The following TESMIN variants were observed in gnomAD, a reference collection of about 807,000 sequenced individuals.
TESMIN encodes the protein testis expressed metallothionein like protein.
TESMIN carries 34 observed loss-of-function variants against 47.4 expected under a neutral mutation model. That is an observed-to-expected ratio of 0.72 (90% CI 0.55 to 0.96). TESMIN has a LOEUF of 0.96. Among genes scored for constraint, TESMIN ranks in the 40% least tolerant of loss-of-function variants. The pLI is 0.00. For missense variants in TESMIN, 610 were observed against 637.2 expected, an observed-to-expected ratio of 0.96 and a Z score of 0.46; for synonymous variants, 278 against 258.9, an observed-to-expected ratio of 1.07 and a Z score of -0.71.
chr11:68,728,133 G>A (rs536843202), intron 6 of TESMIN, among the ~76,000 whole-genome samples: 13 of 150,742 alleles, frequency 8.6e-5, no homozygotes, highest in African/African-American at 3.2e-4. Context: ...AGAGTCCCAC[G>A]TCTCTCACTT....
At chr11:68,725,785 T>G (rs1346961457) in intron 6 of TESMIN, among the ~76,000 whole-genome samples, 2 of 152,162 alleles carry the variant, frequency 1.3e-5, no homozygotes, top group African/African-American at 4.8e-5. Context: ...ATGACATATA[T>G]TCTAAACTCA....
intron 2 of TESMIN, among the ~76,000 whole-genome samples, 192 bp downstream of exon 2, chr11:68,749,998 G>A (rs552237185): frequency 2.0e-5 from 3 of 152,194 alleles, no homozygotes; most frequent in Non-Finnish European, 1.5e-5. Context: ...GCTTGGCTGG[G>A]CCGATGCATG....
chr11:68,717,947 AAAAG>A (rs1484766229), intron 6 of TESMIN, among the ~76,000 whole-genome samples: 1 of 152,210 alleles, frequency 6.6e-6, no homozygotes, highest in Non-Finnish European at 1.5e-5. Context: ...AGGAGACTAG[AAAAG>A]CCTCCTCTGA....
At chr11:68,711,913 G>A (rs971453252) in intron 8 of TESMIN, among the ~76,000 whole-genome samples, 1 of 152,236 alleles carries the variant, frequency 6.6e-6, no homozygotes, top group Non-Finnish European at 1.5e-5. Context: ...GCTCATGTGG[G>A]CCCCAGGGGC....
chr11:68,742,863 GTTTTCT>G (rs1435342421), intron 4 of TESMIN, among the ~76,000 whole-genome samples: 4 of 151,504 alleles, frequency 2.6e-5, no homozygotes, highest in African/African-American at 9.7e-5. Flanking sequence ...GATATTTTAT[GTTTTCT>G]TTTTTTTTTT....
intron 2 of TESMIN, among the ~76,000 whole-genome samples, chr11:68,749,109 C>T (rs538479487): frequency 6.6e-6 from 1 of 152,370 alleles, no homozygotes; most frequent in South Asian, 2.1e-4. Context: ...ACCAATCCGG[C>T]TGGGCAGCAA....
intron 6 of TESMIN, among the ~76,000 whole-genome samples, chr11:68,727,867 G>GT (rs1946283355): frequency 6.6e-6 from 1 of 152,130 alleles, no homozygotes; most frequent in Non-Finnish European, 1.5e-5. Flanking sequence ...AAGTGTAATT[G>GT]TTTTGGAGTA....
rs779941846 is a variant in TESMIN, at chr11:68,713,262, G to C, written c.1158+8C>G. 1 of 1,612,468 alleles carries C rather than the reference G, an allele frequency of 6.2e-7. No individual in the cohort carries two copies. The highest frequency in any genetic ancestry group is 8.5e-7 in the Non-Finnish European group (1 of 1,179,112). ...TTTTGTTAGTGAGTTAGGGAGCTGG[G>C]CACTAACCTCATAGCACTCGCAGTA... On this transcript the variant is annotated splice_region_variant and intron_variant, in intron 8 of 9. Transcript: ENST00000255087.
At chr11:68,742,784 C>T (rs992963395) in intron 4 of TESMIN, among the ~76,000 whole-genome samples, 7 of 152,154 alleles carry the variant, frequency 4.6e-5, no homozygotes, top group African/African-American at 1.2e-4. Flanking sequence ...TTCAAACTCC[C>T]GGGCTCAAGC....
intron 3 of TESMIN, 53 bp downstream of exon 3, chr11:68,747,155 G>T: frequency 6.6e-7 from 1 of 1,523,446 alleles, no homozygotes; most frequent in Non-Finnish European, 9.1e-7. Flanking sequence ...GTAATGATGG[G>T]GTCCAGCATT....
chr11:68,736,691 C>A (rs1461180015), intron 6 of TESMIN: 4 of 980,750 alleles, frequency 4.1e-6, no homozygotes, highest in African/African-American at 1.8e-5. Flanking sequence ...TATTTTGTAA[C>A]ATTCAAAATA....
Position 68,750,453 on chromosome 11 carries a change from C to A in TESMIN, c.208G>T (p.Ala70Ser). Residue 70 changes from alanine to serine, a missense_variant, in exon 2 of 10, where the codon GCG becomes TCG. Ala to Ser is a moderately conservative substitution (Grantham distance 99, BLOSUM62 1). Transcript: ENST00000255087. ...KEPVLHAFNP[A>S]LGADCKGQVK... ...TGGCCCTTGCAGTCGGCGCCCAGCG[C>A]GGGGTTGAACGCGTGCAGGACGGGT... The A allele has an allele frequency of 6.3e-7, 1 of 1,585,824 alleles. No homozygotes were observed. The highest frequency in any genetic ancestry group is 8.6e-7 in the Non-Finnish European group (1 of 1,165,594).
chr11:68,750,235 G>GGCGC lies in TESMIN; in HGVS notation c.422_425dup (p.Trp143ArgfsTer18). ...GGTGGGAGGCTCCTTCCAGGACCCA[G>GGCGC]GCGCCCAGGGGCAACACCGCCGGGC... On this transcript the variant is annotated frameshift_variant, in exon 2 of 10. Coordinates refer to ENST00000255087, the MANE Select transcript of TESMIN (RefSeq NM_004923.3). LOFTEE classifies it high-confidence loss of function. The GGCGC allele has an allele frequency of 1.3e-6, 2 of 1,528,594 alleles. No homozygotes were observed. The highest frequency in any genetic ancestry group is 1.7e-6 in the Non-Finnish European group (2 of 1,149,094). 94.7% of individuals were successfully genotyped at this position (1,528,594 alleles called of 1,614,324 possible).
chr11:68,745,840 C>A (rs1326176575), intron 3 of TESMIN, among the ~76,000 whole-genome samples: 1 of 152,138 alleles, frequency 6.6e-6, no homozygotes, highest in Non-Finnish European at 1.5e-5. Flanking sequence ...AGCAAAAGCA[C>A]TGAGGGAACT....
intron 9 of TESMIN, among the ~76,000 whole-genome samples, chr11:68,709,406 G>A (rs985087615): frequency 6.6e-6 from 1 of 152,190 alleles, no homozygotes; most frequent in Non-Finnish European, 1.5e-5. Flanking sequence ...GGACTCGCCT[G>A]TCAAACCTTG....
chr11:68,730,960 A>G (rs1294843503), intron 6 of TESMIN, among the ~76,000 whole-genome samples: 1 of 152,222 alleles, frequency 6.6e-6, no homozygotes, highest in East Asian at 1.9e-4. Context: ...CAATAGCAAC[A>G]AAAGGTTGGG....
chr11:68,718,436 G>A (rs944522123), intron 6 of TESMIN, among the ~76,000 whole-genome samples: 2 of 152,200 alleles, frequency 1.3e-5, no homozygotes, highest in African/African-American at 4.8e-5. Context: ...AGTAATCACA[G>A]TGATGAAAGA....
intron 6 of TESMIN, among the ~76,000 whole-genome samples, chr11:68,735,759 C>T (rs1229364544): frequency 6.6e-6 from 1 of 152,250 alleles, no homozygotes; most frequent in Non-Finnish European, 1.5e-5. Context: ...AACTCAGAGG[C>T]AGCATAGTTC....
chr11:68,740,986 G>A (rs984625239), intron 5 of TESMIN, among the ~76,000 whole-genome samples: 4 of 152,052 alleles, frequency 2.6e-5, no homozygotes. Flanking sequence ...AACCTTGGGC[G>A]CATCCTTGAC....
Sources: gnomAD v4.1 joint callset for allele counts (sites outside exome capture counted in the v4.1 genomes callset) on GRCh38, gnomAD v4.1.1 for gene constraint, MANE v1.5 for transcripts, NCBI Gene and HGNC (gene_info 2026-07-23, HGNC 2026-07-21) for gene names.